The following EHMT1 variants were observed in gnomAD, a reference collection of about 807,000 sequenced individuals.
EHMT1 encodes the protein histone-lysine N-methyltransferase EHMT1.
Under a neutral mutation model 147.2 loss-of-function variants are expected in EHMT1, and 15 were observed. The ratio of observed to expected loss-of-function variants is 0.10; its 90% CI spans 0.07 to 0.16. The LOEUF is 0.16. Among genes scored for constraint, EHMT1 ranks in the 10% least tolerant of loss-of-function variants. The probability of loss-of-function intolerance (pLI) is 1.00; values close to 1 mark genes in which losing one functional copy is unlikely to be tolerated. For missense variants in EHMT1, 1,587 were observed against 1,772.4 expected (o/e 0.90, Z 1.88); for synonymous variants, 795 against 709.6 (o/e 1.12, Z -1.91).
At chr9:137,690,145 G>A (rs879879673) in intron 1 of EHMT1, among the ~76,000 whole-genome samples, 6 of 152,202 alleles carry the variant, frequency 3.9e-5, no homozygotes, top group Non-Finnish European at 5.9e-5. Context: ...ATGGCAGGCA[G>A]TGTTGCTGGT....
At chr9:137,679,796 A>G (rs936759410) in intron 1 of EHMT1, among the ~76,000 whole-genome samples, 4 of 152,234 alleles carry the variant, frequency 2.6e-5, no homozygotes, top group African/African-American at 9.6e-5. Flanking sequence ...ATATTTTGGT[A>G]GTTAAATCTG....
intron 1 of EHMT1, among the ~76,000 whole-genome samples, chr9:137,700,268 A>T (rs375183359): frequency 6.6e-6 from 1 of 151,886 alleles, no homozygotes; most frequent in Non-Finnish European, 1.5e-5. Flanking sequence ...TGTAGTGCCC[A>T]CCTCCCCGGG....
At chr9:137,714,324 C>G (rs751282110) in intron 2 of EHMT1, among the ~76,000 whole-genome samples, 48 of 152,104 alleles carry the variant, frequency 3.2e-4, no homozygotes, top group Non-Finnish European at 5.0e-4. Flanking sequence ...CTTAGCAAAC[C>G]ATTTGCTAAG....
rs1203412781 is a variant in EHMT1, at chr9:137,669,334, G to A, written c.22-41633G>A. ...CCCTGGAAAGACGCCCCCACAGCAC[G>A]TGGACCCCACACCACCCAAGACGCT... is the stretch of plus-strand genomic sequence containing the variant. On this transcript the variant is annotated intron_variant, in intron 1 of 26. Coordinates refer to ENST00000460843, the MANE Select transcript of EHMT1 (RefSeq NM_024757.5). 6.7e-5 allele frequency among the ~76,000 whole-genome samples: 2 copies of A among 29,660 alleles called. 1 individual carries two copies. Among genetic ancestry groups the A allele is most frequent in the Non-Finnish European group, 1.3e-4 (2 of 15,834 alleles). The allele number at this position is 29,660 out of a possible 152,430, so 19.5% of individuals were successfully genotyped here.
chr9:137,669,350 C>T (rs1940168188), intron 1 of EHMT1, among the ~76,000 whole-genome samples: 1 of 150,162 alleles, frequency 6.7e-6, no homozygotes, highest in African/African-American at 2.5e-5. Flanking sequence ...CCCACACCAC[C>T]CAAGACGCTC....
intron 3 of EHMT1, among the ~76,000 whole-genome samples, chr9:137,721,149 T>G (rs1222257383): frequency 4.3e-5 from 6 of 140,070 alleles, no homozygotes; most frequent in African/African-American, 1.7e-4. Context: ...CTTCTCACAC[T>G]CACCCCTCCC....
chr9:137,663,329 TG>T (rs1422677861), intron 1 of EHMT1, among the ~76,000 whole-genome samples: 1 of 152,072 alleles, frequency 6.6e-6, no homozygotes, highest in Non-Finnish European at 1.5e-5. Context: ...GCCATATGGC[TG>T]GTTAGGTGTC....
At chr9:137,830,554 T>G (rs1354626138) in intron 25 of EHMT1, among the ~76,000 whole-genome samples, 2 of 152,250 alleles carry the variant, frequency 1.3e-5, no homozygotes, top group African/African-American at 4.8e-5. Flanking sequence ...TTCTAAAATC[T>G]TTAGTTTCAA....
intron 1 of EHMT1, among the ~76,000 whole-genome samples, chr9:137,678,348 C>A (rs772057719): frequency 2.6e-5 from 4 of 152,166 alleles, no homozygotes; most frequent in Non-Finnish European, 4.4e-5. Context: ...TGAGGCCTTT[C>A]ACCATAACGC....
chr9:137,736,031 A>G (rs1196622415), intron 4 of EHMT1, among the ~76,000 whole-genome samples: 3 of 152,200 alleles, frequency 2.0e-5, no homozygotes, highest in Non-Finnish European at 2.9e-5. Context: ...AAAAAAACAG[A>G]TGATCCTACT....
Position 137,775,313 on chromosome 9 carries a change from G to C in EHMT1, c.1791+61G>C. ...CAGGCTTTGCTGTCTGCTCACTGGT[G>C]CTGGTTCCTGTCCTGTGTCCACCTG... is the stretch of plus-strand genomic sequence containing the variant. On this transcript the variant is annotated intron_variant, in intron 11 of 26. Coordinates refer to ENST00000460843, the MANE Select transcript of EHMT1 (RefSeq NM_024757.5). This position sits in a 1 kb window ranked among gnomAD's most constrained non-coding sequence, Gnocchi z 6.1. The C allele has an allele frequency of 1.9e-6, 3 of 1,590,424 alleles. No homozygotes were observed. Among genetic ancestry groups the C allele is most frequent in the Non-Finnish European group, 2.6e-6 (3 of 1,175,324 alleles).
At chr9:137,817,774 G>A (rs374109748) in intron 24 of EHMT1, 6 of 630,652 alleles carry the variant, frequency 9.5e-6, no homozygotes, top group African/African-American at 1.8e-5. Context: ...GCGTGGTCCA[G>A]TTAGGAAGGC....
chr9:137,705,288 G>A (rs55633556), intron 1 of EHMT1, among the ~76,000 whole-genome samples: 15,297 of 152,174 alleles, frequency 0.1, 839 homozygotes, highest in Middle Eastern at 0.2. Context: ...CCACTACACC[G>A]GCCTGGGAAT....
At chr9:137,761,929 G>A (rs946438321) in intron 9 of EHMT1, among the ~76,000 whole-genome samples, 1 of 152,200 alleles carries the variant, frequency 6.6e-6, no homozygotes, top group South Asian at 2.1e-4. Flanking sequence ...TCTTCCTGGC[G>A]GTGCCCTCCA....
chr9:137,708,851 C>G (rs1944459807), intron 1 of EHMT1, among the ~76,000 whole-genome samples: 1 of 152,130 alleles, frequency 6.6e-6, no homozygotes, highest in East Asian at 1.9e-4. Context: ...ATACATTTTG[C>G]CAGTTGTTCT....
At chr9:137,639,035 G>A (rs1844292350) in intron 1 of EHMT1, among the ~76,000 whole-genome samples, 1 of 152,066 alleles carries the variant, frequency 6.6e-6, no homozygotes, top group Non-Finnish European at 1.5e-5. Flanking sequence ...TCCTATAAAT[G>A]TTGATATGTT....
chr9:137,778,833 CT>C (rs2136736945), intron 13 of EHMT1, among the ~76,000 whole-genome samples: 1 of 152,312 alleles, frequency 6.6e-6, no homozygotes, highest in South Asian at 2.1e-4. Flanking sequence ...GTTCTCCAGA[CT>C]GTACAGGAAG....
intron 10 of EHMT1, chr9:137,763,091 G>A: frequency 3.3e-6 from 2 of 607,360 alleles, no homozygotes; most frequent in Non-Finnish European, 5.8e-6. Flanking sequence ...TATGATCATG[G>A]TTTTGTCAAG....
At chr9:137,736,093 A>G (rs1947508745) in intron 4 of EHMT1, among the ~76,000 whole-genome samples, 1 of 152,256 alleles carries the variant, frequency 6.6e-6, no homozygotes, top group Non-Finnish European at 1.5e-5. Context: ...AAATAGATTG[A>G]AAGTGAAAGG....
Sources: gnomAD v4.1 joint callset for allele counts (sites outside exome capture counted in the v4.1 genomes callset) on GRCh38, gnomAD v4.1.1 for gene constraint, Gnocchi (gnomAD v3.1) non-coding constraint, MANE v1.5 for transcripts, NCBI Gene and HGNC (gene_info 2026-07-23, HGNC 2026-07-21) for gene names.